TMEM207: variants seen among roughly 807,000 people sequenced by gnomAD.
TMEM207 encodes SRSR846.
TMEM207 carries 15 observed loss-of-function variants against 17.4 expected under a neutral mutation model. That is an observed-to-expected ratio of 0.86 (90% CI 0.58 to 1.33). The LOEUF (loss-of-function observed/expected upper bound fraction) is 1.33. Among genes scored for constraint, TMEM207 ranks in the 40% most tolerant of loss-of-function variants. The pLI is 0.00. For missense variants in TMEM207, 205 were observed against 173.8 expected (o/e 1.18, Z -1.01); for synonymous variants, 70 against 65.6 (o/e 1.07, Z -0.33).
intron 4 of TMEM207, among the ~76,000 whole-genome samples, chr3:190,437,320 G>A (rs766984279): frequency 3.9e-5 from 6 of 152,178 alleles, no homozygotes; most frequent in Non-Finnish European, 8.8e-5. Flanking sequence ...TGGTTCCCTA[G>A]CCCCAATTCT....
chr3:190,437,659 A>G (rs1243659214), intron 4 of TMEM207, among the ~76,000 whole-genome samples: 1 of 152,038 alleles, frequency 6.6e-6, no homozygotes, highest in Non-Finnish European at 1.5e-5. Context: ...GGGACTGTAA[A>G]CTAGTTCAAC....
intron 1 of TMEM207, among the ~76,000 whole-genome samples, chr3:190,449,189 G>A (rs1720110209): frequency 6.6e-6 from 1 of 152,098 alleles, no homozygotes; most frequent in Non-Finnish European, 1.5e-5. Context: ...ATTATGAAGA[G>A]GTAAGGAAAG....
At chr3:190,436,993 A>G (rs1421270707) in intron 4 of TMEM207, among the ~76,000 whole-genome samples, 1 of 152,180 alleles carries the variant, frequency 6.6e-6, no homozygotes, top group African/African-American at 2.4e-5. Context: ...GGAACAACCT[A>G]ACAATGAATT....
intron 2 of TMEM207, 79 bp downstream of exon 2, chr3:190,447,711 C>T (rs1720080276): frequency 1.4e-6 from 2 of 1,471,630 alleles, no homozygotes; most frequent in Non-Finnish European, 1.9e-6. Context: ...TGGGCTTTTT[C>T]TAATGGCTTG....
At chr3:190,447,645 T>C in intron 2 of TMEM207, 145 bp downstream of exon 2, 1 of 647,568 alleles carries the variant, frequency 1.5e-6, no homozygotes, top group Non-Finnish European at 2.5e-6. Context: ...TGGAGCCATC[T>C]GCATTTACAA....
intron 2 of TMEM207, among the ~76,000 whole-genome samples, chr3:190,444,044 C>CAGA (rs1719993529): frequency 6.6e-6 from 1 of 152,142 alleles, no homozygotes; most frequent in Non-Finnish European, 1.5e-5. Context: ...TTCTTCTTCT[C>CAGA]TGTGCTGAGA....
chr3:190,440,766 G>C (rs1026597785), intron 3 of TMEM207, among the ~76,000 whole-genome samples: 2 of 152,134 alleles, frequency 1.3e-5, no homozygotes, highest in African/African-American at 2.4e-5. Flanking sequence ...TTGGGGATAG[G>C]AATTCAAAAG....
intron 3 of TMEM207, among the ~76,000 whole-genome samples, chr3:190,440,733 A>C (rs1175302700): frequency 6.6e-6 from 1 of 152,188 alleles, no homozygotes; most frequent in Non-Finnish European, 1.5e-5. Flanking sequence ...TTAGTATTTA[A>C]GCAACTACAC....
At chr3:190,440,947 T>C (rs1719921469) in intron 3 of TMEM207, among the ~76,000 whole-genome samples, 1 of 152,104 alleles carries the variant, frequency 6.6e-6, no homozygotes, top group African/African-American at 2.4e-5. Flanking sequence ...CGGGCGCCTG[T>C]AATCCCAGCT....
At chr3:190,447,655 A>G in intron 2 of TMEM207, 135 bp downstream of exon 2, 1 of 748,470 alleles carries the variant, frequency 1.3e-6, no homozygotes, top group South Asian at 2.6e-5. Context: ...TGCATTTACA[A>G]ACCATTTACT....
At chr3:190,436,271 T>A (rs1015237449) in intron 4 of TMEM207, among the ~76,000 whole-genome samples, 2 of 152,354 alleles carry the variant, frequency 1.3e-5, no homozygotes, top group Middle Eastern at 3.4e-3. Context: ...ATGTTTCAAA[T>A]AAATTACCCA....
At chr3:190,432,224 A>G (rs1331759990) in intron 4 of TMEM207, among the ~76,000 whole-genome samples, 1 of 152,232 alleles carries the variant, frequency 6.6e-6, no homozygotes, top group Non-Finnish European at 1.5e-5. Context: ...TCACTCAAAT[A>G]GACTTCACCT....
At chr3:190,434,989 CTGTT>C (rs1046348656) in intron 4 of TMEM207, among the ~76,000 whole-genome samples, 2 of 152,172 alleles carry the variant, frequency 1.3e-5, no homozygotes, top group African/African-American at 4.8e-5. Flanking sequence ...TGATTTTAAA[CTGTT>C]TCTTCTCTTC....
chr3:190,433,128 T>G (rs1382086469), intron 4 of TMEM207, among the ~76,000 whole-genome samples: 1 of 152,190 alleles, frequency 6.6e-6, no homozygotes, highest in African/African-American at 2.4e-5. Flanking sequence ...TCTCCTATGC[T>G]CTCAAATTCT....
chr3:190,433,773 T>C (rs1486186723), intron 4 of TMEM207, among the ~76,000 whole-genome samples: 1 of 152,168 alleles, frequency 6.6e-6, no homozygotes, highest in Non-Finnish European at 1.5e-5. Context: ...TGAATTGTAA[T>C]CCCCAGTGTT....
intron 3 of TMEM207, among the ~76,000 whole-genome samples, chr3:190,440,963 G>A (rs1414140410): frequency 1.3e-5 from 2 of 152,098 alleles, no homozygotes; most frequent in East Asian, 1.9e-4. Context: ...CAGCTACTCC[G>A]GAGGCTGAGG....
chr3:190,445,519 A>G (rs1720025664), intron 2 of TMEM207, among the ~76,000 whole-genome samples: 1 of 152,196 alleles, frequency 6.6e-6, no homozygotes, highest in Admixed American at 6.5e-5. Context: ...GGGAATAATA[A>G]AATAGACCAG....
chr3:190,442,137 C>T (rs924579774), intron 2 of TMEM207, among the ~76,000 whole-genome samples: 1 of 152,188 alleles, frequency 6.6e-6, no homozygotes, highest in Non-Finnish European at 1.5e-5. Context: ...ACAAAGTTCA[C>T]AGAGTGATTT....
chr3:190,432,846 A>T (rs1311420989), intron 4 of TMEM207, among the ~76,000 whole-genome samples: 2 of 152,134 alleles, frequency 1.3e-5, no homozygotes, highest in Admixed American at 6.6e-5. Context: ...GATCAGAGAG[A>T]TTGTATAGTT....
Sources: gnomAD v4.1 joint callset for allele counts (sites outside exome capture counted in the v4.1 genomes callset) on GRCh38, gnomAD v4.1.1 for gene constraint, MANE v1.5 for transcripts, NCBI Gene and HGNC (gene_info 2026-07-23, HGNC 2026-07-21) for gene names.